Variants in RCE1 observed in about 807,000 individuals in gnomAD.
RCE1 encodes the protein Ras converting CAAX endopeptidase 1.
Under a neutral mutation model 35.0 loss-of-function variants are expected in RCE1, and 15 were observed. The observed-to-expected ratio is 0.43, with a 90% CI of 0.29 to 0.66. The LOEUF is 0.66. Ranked by LOEUF, RCE1 falls within the 30% of genes least tolerant of loss-of-function variation. The probability of loss-of-function intolerance (pLI) is 0.17; values close to 1 mark genes in which losing one functional copy is unlikely to be tolerated. For synonymous variants in RCE1, 261 were observed against 192.7 expected, an observed-to-expected ratio of 1.35 and a Z score of -2.94; for missense variants, 434 against 433.0, an observed-to-expected ratio of 1.00 and a Z score of -0.02.
chr11:66,844,480 G>A, intron 4 of RCE1, 116 bp downstream of exon 4: 1 of 1,383,862 alleles, frequency 7.2e-7, no homozygotes, highest in East Asian at 2.3e-5. Flanking sequence ...CTCTGGGTGT[G>A]TTTTCTCATC....
At chr11:66,843,692 C>G (rs747639436) in intron 1 of RCE1, 52 bp downstream of exon 1, 1 of 1,602,522 alleles carries the variant, frequency 6.2e-7, no homozygotes, top group Non-Finnish European at 8.5e-7. Flanking sequence ...GGAGCTTGGG[C>G]GAGCCGGGGG....
chr11:66,844,962 G>T lies in RCE1; in HGVS notation c.545G>T (p.Cys182Phe). 1.9e-6 allele frequency: 3 copies of T among 1,607,768 alleles called. No homozygotes were observed. The highest frequency in any genetic ancestry group is 2.5e-6 in the Non-Finnish European group (3 of 1,176,706). Reference protein sequence around the residue: ...PLTEELVFRACMLPMLAPCMG... With the variant: ...PLTEELVFRAFMLPMLAPCMG... ...ACAGAGGAGCTGGTGTTCCGGGCCT[G>T]TATGCTGCCCATGTTAGCACCGTGC... Residue 182 changes from cysteine (C) to phenylalanine (F), a missense_variant, in exon 5 of 8, where the codon TGT becomes TTT. Physicochemically the swap from Cys to Phe is radical, Grantham distance 205. Coordinates refer to ENST00000309657, the MANE Select transcript of RCE1 (RefSeq NM_005133.3).
chr11:66,845,658 C>T, intron 7 of RCE1, 96 bp downstream of exon 7: 1 of 1,583,180 alleles, frequency 6.3e-7, no homozygotes, highest in Non-Finnish European at 8.7e-7. Context: ...TTCTTCTACT[C>T]CAGTCCTTGA....
At chr11:66,844,202 T>C in intron 3 of RCE1, 84 bp from the exon 4 acceptor site, 12 of 1,603,442 alleles carry the variant, frequency 7.5e-6, no homozygotes, top group Non-Finnish European at 7.7e-6. Flanking sequence ...CTGGAGAGGA[T>C]TTCAAGCTTG....
intron 4 of RCE1, 111 bp from the exon 5 acceptor site, chr11:66,844,758 C>G: frequency 3.6e-6 from 5 of 1,401,478 alleles, no homozygotes; most frequent in Non-Finnish European, 4.7e-6. Context: ...GTATTGATGC[C>G]TAACCTGAGT....
rs1406188930 is a variant in RCE1, at chr11:66,845,178, ATAT to A, written c.637_639del (p.Ile213del). On this transcript the variant is annotated inframe_deletion, in exon 6 of 8. Transcript: ENST00000309657. ...ACCTTTTTCCCAGCCCATTTTCACC[ATAT>A]TATTGAGCAGCTGCGTTTCCGCCAG... 5 of 1,614,080 alleles carry A rather than the reference ATAT, an allele frequency of 3.1e-6. No homozygotes were observed. Among genetic ancestry groups the A allele is most frequent in the African/African-American group, 1.3e-5 (1 of 74,928 alleles).
At position 66,846,007 on chromosome 11, in the gene RCE1, C is replaced by A; in HGVS notation, c.902C>A (p.Pro301His). 1 of 1,613,938 alleles carries A rather than the reference C, an allele frequency of 6.2e-7. No individual in the cohort carries two copies. Among genetic ancestry groups the A allele is most frequent in the Non-Finnish European group, 8.5e-7 (1 of 1,180,032 alleles). The change falls in exon 8 of 8, where the codon CCC becomes CAC. Residue 301 changes from proline (P) to histidine (H), a missense_variant. Pro to His is a moderately conservative substitution (Grantham distance 77, BLOSUM62 -2). Coordinates refer to ENST00000309657, the MANE Select transcript of RCE1 (RefSeq NM_005133.3). ...GGACTCTTCCTGCTTCTGCTCCAGC[C>A]CCTCACGGACCCCAAGCTCTACGGC... The part of the protein sequence containing the change: ...GVGLFLLLLQ[P>H]LTDPKLYGSL...
chr11:66,845,315 C>G (rs1320124099), intron 6 of RCE1, 78 bp downstream of exon 6: 14 of 1,604,426 alleles, frequency 8.7e-6, no homozygotes, highest in Non-Finnish European at 1.2e-5. Context: ...GAATTGGGAA[C>G]TGAGGGCCAC....
Position 66,843,786 on chromosome 11 carries a change from C to G in RCE1, c.213C>G (p.Arg71=). The part of the protein sequence containing the change: ...PRDHPAVIKR[R]FTSVLVVSSL... ...ACCATCCCGCGGTCATCAAGCGACG[C>G]TTCACCAGCGTCCTGGTGGTGTCCA... is the stretch of plus-strand genomic sequence containing the variant. The change falls in exon 2 of 8, where the codon CGC becomes CGG. Residue 71 remains arginine, a synonymous_variant. Coordinates refer to ENST00000309657, the MANE Select transcript of RCE1 (RefSeq NM_005133.3). 1 of 1,613,954 alleles carries G rather than the reference C, an allele frequency of 6.2e-7. No individual in the cohort carries two copies. Among genetic ancestry groups the G allele is most frequent in the Non-Finnish European group, 8.5e-7 (1 of 1,180,024 alleles).
At position 66,843,965 on chromosome 11, in the gene RCE1, T is replaced by A; in HGVS notation, c.298T>A (p.Ser100Thr). 6.2e-7 allele frequency: 1 copy of A among 1,614,100 alleles called. No individual in the cohort carries two copies. Among genetic ancestry groups the A allele is most frequent in the Non-Finnish European group, 8.5e-7 (1 of 1,180,022 alleles). The part of the protein sequence containing the change: ...RELTGIQPGT[S>T]LLTLMGFRLE... Reference sequence around the variant, plus strand: ...CTTTCCTGTGGCTCAGCCAGGCACATCCCTGCTCACCCTGATGGGCTTCAG... The same window carrying A: ...CTTTCCTGTGGCTCAGCCAGGCACAACCCTGCTCACCCTGATGGGCTTCAG... Residue 100 changes from serine to threonine, a missense_variant, in exon 3 of 8, where the codon TCC becomes ACC. Coordinates refer to ENST00000309657, the MANE Select transcript of RCE1 (RefSeq NM_005133.3).
chr11:66,846,175 G>T lies in RCE1; in HGVS notation c.*80G>T. The T allele has an allele frequency of 6.7e-7, 1 of 1,486,876 alleles. No individual in the cohort carries two copies. The highest frequency in any genetic ancestry group is 8.9e-7 in the Non-Finnish European group (1 of 1,121,744). The allele number at this position is 1,486,876 out of a possible 1,614,324, so 92.1% of individuals were successfully genotyped here. A position where few individuals can be genotyped will look rare whatever the true frequency, so the allele number is the denominator to read the frequency against. ...AAGGGGTACTGCAGGGGAAGGGCTG[G>T]CTGGGGTCCCCGAGATCTCAGGAAT... is the stretch of plus-strand genomic sequence containing the variant. On this transcript the variant is annotated 3_prime_UTR_variant, in exon 8 of 8. Coordinates refer to ENST00000309657, the MANE Select transcript of RCE1 (RefSeq NM_005133.3).
chr11:66,844,167 G>A (rs376163356), intron 3 of RCE1, 119 bp from the exon 4 acceptor site: 66 of 1,587,494 alleles, frequency 4.2e-5, no homozygotes, highest in African/African-American at 1.3e-4. Context: ...AGGGTCCTCC[G>A]GTATGCATGG....
In RCE1 at chr11:66,845,236, T is replaced by A; in HGVS notation, c.690T>A (p.Ala230=). ...GCGTGGGGAACATCTTCTTGTCTGCTGGTGAGTCCTGGCTAGCTGGCCTGG... is the reference window on the plus strand; with the variant it reads ...GCGTGGGGAACATCTTCTTGTCTGCAGGTGAGTCCTGGCTAGCTGGCCTGG... ...QSSVGNIFLS[A]AFQFSYTAVF... is the part of the protein sequence containing the mutation. Residue 230 remains alanine (A), a splice_region_variant and synonymous_variant, in exon 6 of 8, where the codon GCT becomes GCA. Transcript: ENST00000309657. 6.2e-7 allele frequency: 1 copy of A among 1,614,212 alleles called. No homozygotes were observed. The highest frequency in any genetic ancestry group is 8.5e-7 in the Non-Finnish European group (1 of 1,180,034).
chr11:66,845,096 G>T, intron 5 of RCE1, 60 bp downstream of exon 5: 1 of 1,612,334 alleles, frequency 6.2e-7, no homozygotes, highest in African/African-American at 1.3e-5. Flanking sequence ...AAGGGGGCTT[G>T]AGGTGAGGGG....
In RCE1 at chr11:66,843,447, C is replaced by A; in HGVS notation, c.-9C>A. The A allele has an allele frequency of 7.1e-7, 1 of 1,401,424 alleles. No homozygotes were observed. Among genetic ancestry groups the A allele is most frequent in the Non-Finnish European group, 9.2e-7 (1 of 1,091,974 alleles). The allele number at this position is 1,401,424 out of a possible 1,614,324, so 86.8% of individuals were successfully genotyped here. On this transcript the variant is annotated 5_prime_UTR_variant, in exon 1 of 8. Coordinates refer to ENST00000309657, the MANE Select transcript of RCE1 (RefSeq NM_005133.3). ...TGCGTCACTGGTGCGCGCCGCGGGT[C>A]AGGGCGCAATGGCGGCGCTGGGCGG...
intron 4 of RCE1, 34 bp downstream of exon 4, chr11:66,844,398 C>T: frequency 6.2e-7 from 1 of 1,612,886 alleles, no homozygotes; most frequent in Non-Finnish European, 8.5e-7. Context: ...AAAGTAGGCA[C>T]AGGCAGTCCA....
Position 66,843,621 on chromosome 11 carries a change from TG to T in RCE1, c.168del (p.Trp56Ter). 1 of 1,600,760 alleles carries T rather than the reference TG, an allele frequency of 6.2e-7. No individual in the cohort carries two copies. On this transcript the variant is annotated frameshift_variant, in exon 1 of 8. Coordinates refer to ENST00000309657, the MANE Select transcript of RCE1 (RefSeq NM_005133.3). LOFTEE classifies it high-confidence loss of function. ...ACSYVGSLYV[W>X]KSELPRDHPA... ...CTCCTACGTGGGCAGCCTCTACGTC[TG>T]GAAGAGCGAACTGCCCAGGTGCGGG...
intron 4 of RCE1, chr11:66,844,659 C>T: frequency 1.2e-6 from 1 of 831,930 alleles, no homozygotes; most frequent in South Asian, 2.0e-5. Flanking sequence ...GAGTTTACTT[C>T]CAGGATGCCC....
chr11:66,843,940 C>G lies in RCE1; in HGVS notation c.289-16C>G. 2 of 1,614,168 alleles carry G rather than the reference C, an allele frequency of 1.2e-6. No individual in the cohort carries two copies. The highest frequency in any genetic ancestry group is 8.5e-7 in the Non-Finnish European group (1 of 1,180,036). ...GGGGAGGAAGCAAAACTGATGCCCC[C>G]TTTCCTGTGGCTCAGCCAGGCACAT... On this transcript the variant is annotated splice_polypyrimidine_tract_variant and intron_variant, in intron 2 of 7. Transcript: ENST00000309657.
Sources: allele counts gnomAD v4.1 joint callset, GRCh38; gene constraint gnomAD v4.1.1; transcripts MANE v1.5; gene names NCBI Gene and HGNC (gene_info 2026-07-23, HGNC 2026-07-21).